MPP4: variants seen among roughly 807,000 people sequenced by gnomAD.
MPP4 encodes MAGUK p55 scaffold protein 4.
Under a neutral mutation model 98.3 loss-of-function variants are expected in MPP4, and 91 were observed. The ratio of observed to expected loss-of-function variants is 0.93; its 90% CI spans 0.78 to 1.10. The LOEUF (loss-of-function observed/expected upper bound fraction) is 1.10. Ranked by LOEUF, MPP4 falls within the 50% of genes least tolerant of loss-of-function variation. The probability of loss-of-function intolerance (pLI) is 0.00; values close to 1 mark genes in which losing one functional copy is unlikely to be tolerated. For synonymous variants in MPP4, 261 were observed against 271.8 expected (o/e 0.96, Z 0.39); for missense variants, 744 against 792.9 (o/e 0.94, Z 0.74).
chr2:201,661,849 A>C (rs567381238), intron 14 of MPP4, among the ~76,000 whole-genome samples: 1 of 151,930 alleles, frequency 6.6e-6, no homozygotes, highest in Non-Finnish European at 1.5e-5. Flanking sequence ...ACCCGCAAAC[A>C]CTCCCCGGCC....
chr2:201,670,522 T>C (rs1688312786), intron 11 of MPP4, among the ~76,000 whole-genome samples: 1 of 152,218 alleles, frequency 6.6e-6, no homozygotes, highest in Non-Finnish European at 1.5e-5. Context: ...ATTTTCAGCA[T>C]GGACTTCTAG....
chr2:201,683,751 CAAAA>C, intron 7 of MPP4, among the ~76,000 whole-genome samples: 1 of 86,714 alleles, frequency 1.2e-5, no homozygotes. Flanking sequence ...GACTCTGTCT[CAAAA>C]AAAAAAAAAG....
At chr2:201,660,398 G>T in intron 14 of MPP4, 52 bp from the exon 15 acceptor site, 1 of 1,597,948 alleles carries the variant, frequency 6.3e-7, no homozygotes, top group African/African-American at 1.3e-5. Context: ...AAGCCTTTAA[G>T]AAGATCATGT....
rs1688667316 is a variant in MPP4 at position 201,681,581 on chromosome 2, G to C, written c.661-14C>G. ...TCGAGACATGGCCTGGAAAATAAGA[G>C]AGGAGAAAGGATGACAATCATGGAG... On this transcript the variant is annotated splice_polypyrimidine_tract_variant and intron_variant, in intron 8 of 21. Transcript: ENST00000409474. The C allele has an allele frequency of 1.2e-6, 2 of 1,608,806 alleles. No individual in the cohort carries two copies. The highest frequency in any genetic ancestry group is 1.7e-6 in the Non-Finnish European group (2 of 1,175,782).
At chr2:201,678,923 C>A (rs1688594130) in intron 10 of MPP4, among the ~76,000 whole-genome samples, 1 of 152,126 alleles carries the variant, frequency 6.6e-6, no homozygotes, top group African/African-American at 2.4e-5. Flanking sequence ...CTTTCAGCAC[C>A]CTGGCCTATT....
At chr2:201,656,593 G>A (rs1687854021) in intron 16 of MPP4, among the ~76,000 whole-genome samples, 1 of 152,196 alleles carries the variant, frequency 6.6e-6, no homozygotes, top group Non-Finnish European at 1.5e-5. Context: ...CTTGGGTGCT[G>A]GCGATAGATG....
chr2:201,673,902 C>T (rs1275281095), intron 11 of MPP4, among the ~76,000 whole-genome samples: 1 of 152,178 alleles, frequency 6.6e-6, no homozygotes, highest in East Asian at 1.9e-4. Context: ...GTGCCCAGTT[C>T]CCTCCCTTAC....
At position 201,645,279 on chromosome 2, in the gene MPP4, T is replaced by C. The variant is rs774736833; in HGVS notation, c.1845A>G (p.Ile615Met). Residue 615 changes from isoleucine to methionine, a missense_variant, in exon 22 of 22, where the codon ATA (isoleucine) becomes ATG (methionine). Physicochemically the swap from Ile to Met is conservative, Grantham distance 10. Transcript: ENST00000409474. The stretch of plus-strand genomic sequence containing the variant: ...ACTGAGGCTCCTCCTGAGCCTTCTG[T>C]ATGGCAGACAACAACTGGGCACATG... ...HDACAQLLSAIQKAQEEPQWV... is the reference protein window; with the variant it reads ...HDACAQLLSAMQKAQEEPQWV... 3.1e-6 allele frequency: 5 copies of C among 1,613,992 alleles called. No individual in the cohort carries two copies. The South Asian group carries it at 3.3e-5, about 11-fold the overall frequency.
At chr2:201,694,353 A>G (rs1689117831) in intron 1 of MPP4, among the ~76,000 whole-genome samples, 1 of 152,092 alleles carries the variant, frequency 6.6e-6, no homozygotes, top group African/African-American at 2.4e-5. Flanking sequence ...GACTTTACCC[A>G]TCATTAGAGC....
rs192977037 is a variant in MPP4, at chr2:201,693,033, G to A, written c.80-4C>T. On this transcript the variant is annotated splice_region_variant and splice_polypyrimidine_tract_variant and intron_variant, in intron 2 of 21. Coordinates refer to ENST00000409474, the MANE Select transcript of MPP4 (RefSeq NM_033066.3). ...AGCCTCAGGATCTGGGAGAGGCCTA[G>A]GAAAGGAAGAGAGCAGAGATGGGGT... 1 of 1,611,006 alleles carries A rather than the reference G, an allele frequency of 6.2e-7. No homozygotes were observed. Among genetic ancestry groups the A allele is most frequent in the South Asian group, 1.1e-5 (1 of 90,250 alleles).
chr2:201,666,236 A>G, intron 13 of MPP4, 98 bp downstream of exon 13: 1 of 945,460 alleles, frequency 1.1e-6, no homozygotes, highest in Non-Finnish European at 1.6e-6. Flanking sequence ...TCTAGAGGAA[A>G]GGCCCATGGC....
chr2:201,685,115 C>T lies in MPP4; in HGVS notation c.523G>A (p.Gly175Arg). The change falls in exon 7 of 22, where the codon GGG (glycine) becomes AGG (arginine). Residue 175 changes from glycine to arginine, a missense_variant. Coordinates refer to ENST00000409474, the MANE Select transcript of MPP4 (RefSeq NM_033066.3). The stretch of plus-strand genomic sequence containing the variant: ...ATGATCCTGGCCACCAAGATGTCCC[C>T]TGTCATCTCGTGGCGCTTGATGGTG... ...GATIKRHEMT[G>R]DILVARIIHG... 6.2e-7 allele frequency: 1 copy of T among 1,611,968 alleles called. No homozygotes were observed. The highest frequency in any genetic ancestry group is 1.1e-5 in the South Asian group (1 of 90,208).
chr2:201,656,843 G>A (rs1448994606), intron 16 of MPP4, among the ~76,000 whole-genome samples: 1 of 152,230 alleles, frequency 6.6e-6, no homozygotes, highest in African/African-American at 2.4e-5. Flanking sequence ...GGGCAAGCCA[G>A]GCCAAGGGAA....
chr2:201,677,519 C>T (rs1247925100), intron 10 of MPP4, among the ~76,000 whole-genome samples: 1 of 152,166 alleles, frequency 6.6e-6, no homozygotes, highest in African/African-American at 2.4e-5. Context: ...AAAGTAAAAA[C>T]AAACAAGCAA....
chr2:201,668,224 C>T (rs913630979), intron 12 of MPP4, among the ~76,000 whole-genome samples: 2 of 152,052 alleles, frequency 1.3e-5, no homozygotes, highest in Admixed American at 6.6e-5. Flanking sequence ...TTTTGTTCTC[C>T]CCAAATCAAT....
In MPP4 at chr2:201,666,322, A is replaced by G. The variant is rs1284771823; in HGVS notation, c.1051+12T>C. The G allele has an allele frequency of 9.0e-6, 14 of 1,551,704 alleles. No homozygotes were observed. The highest frequency in any genetic ancestry group is 1.2e-5 in the Non-Finnish European group (14 of 1,147,290). On this transcript the variant is annotated intron_variant, in intron 13 of 21. Transcript: ENST00000409474. ...TTCTTCTAACAGCAAAGCAATCAAG[A>G]GAAAATGTTACCTGCTTCCACACAT...
intron 11 of MPP4, 189 bp downstream of exon 11, chr2:201,675,018 C>G (rs1438763454): frequency 4.2e-6 from 3 of 720,722 alleles, no homozygotes; most frequent in Non-Finnish European, 7.4e-6. Context: ...TAGCCACCAC[C>G]CCCACGCCCT....
Position 201,677,554 on chromosome 2 carries a change from A to G in MPP4, c.930-2283T>C, listed in dbSNP as rs1688539550. ...AAACCAAAACAAAACCCCCCCAGCTACTTGCATTCAAATCTGTCACTCTTA... is the reference window on the plus strand; with the variant it reads ...AAACCAAAACAAAACCCCCCCAGCTGCTTGCATTCAAATCTGTCACTCTTA... On this transcript the variant is annotated intron_variant, in intron 10 of 21. Coordinates refer to ENST00000409474, the MANE Select transcript of MPP4 (RefSeq NM_033066.3). 2.0e-5 allele frequency among the ~76,000 whole-genome samples: 3 copies of G among 152,210 alleles called. No homozygotes were observed. In the South Asian group the frequency reaches 6.2e-4, roughly 32 times the overall value.
intron 13 of MPP4, chr2:201,664,302 T>C (rs1258579084): frequency 6.8e-7 from 1 of 1,460,662 alleles, no homozygotes; most frequent in African/African-American, 1.4e-5. Context: ...TATTCGGCAG[T>C]TGAGCCATGA....
Sources: gnomAD v4.1 joint callset for allele counts (sites outside exome capture counted in the v4.1 genomes callset) on GRCh38, gnomAD v4.1.1 for gene constraint, MANE v1.5 for transcripts, NCBI Gene and HGNC (gene_info 2026-07-23, HGNC 2026-07-21) for gene names.